GRIK2: variants seen among roughly 807,000 people sequenced by gnomAD.
GRIK2 encodes the protein glutamate receptor ionotropic, kainate 2.
Under a neutral mutation model 100.3 loss-of-function variants are expected in GRIK2, and 32 were observed. That is an observed-to-expected ratio of 0.32 (90% CI 0.24 to 0.43). The LOEUF is 0.43. GRIK2 is among the 20% of genes least tolerant of loss of function. The pLI is 1.00. For synonymous variants in GRIK2, 417 were observed against 389.4 expected, an observed-to-expected ratio of 1.07 and a Z score of -0.83; for missense variants, 843 against 1,114.9, an observed-to-expected ratio of 0.76 and a Z score of 3.47.
At chr6:101,905,854 T>TA (rs1281738023) in intron 12 of GRIK2, among the ~76,000 whole-genome samples, 1 of 151,452 alleles carries the variant, frequency 6.6e-6, no homozygotes, top group Non-Finnish European at 1.5e-5. Flanking sequence ...CTTTCAGAAA[T>TA]AAAAAATGGA....
chr6:101,837,768 T>G (rs1783228975), intron 10 of GRIK2, among the ~76,000 whole-genome samples: 1 of 152,160 alleles, frequency 6.6e-6, no homozygotes, highest in Admixed American at 6.5e-5. Flanking sequence ...TACTACTTGG[T>G]ACAGATTATG....
At chr6:101,810,147 C>A (rs1189469249) in intron 9 of GRIK2, among the ~76,000 whole-genome samples, 3 of 151,454 alleles carry the variant, frequency 2.0e-5, no homozygotes, top group Admixed American at 6.6e-5. Flanking sequence ...GATTTCAAAT[C>A]AAATCAAATC....
chr6:101,424,171 T>A (rs906755091), intron 2 of GRIK2, among the ~76,000 whole-genome samples: 2 of 151,298 alleles, frequency 1.3e-5, no homozygotes, highest in South Asian at 2.2e-4. Flanking sequence ...GAATTTTTTT[T>A]ATTTTTTTTT....
intron 6 of GRIK2, among the ~76,000 whole-genome samples, chr6:101,683,898 C>T (rs548269105): frequency 6.6e-6 from 1 of 152,310 alleles, no homozygotes; most frequent in Non-Finnish European, 1.5e-5. Context: ...TCTCTAGCAT[C>T]TATCTTCTCC....
intron 11 of GRIK2, among the ~76,000 whole-genome samples, chr6:101,862,156 T>C (rs994472869): frequency 6.6e-6 from 1 of 152,108 alleles, no homozygotes; most frequent in Admixed American, 6.5e-5. Context: ...TTTCCTGTAA[T>C]GGATAATGAG....
At chr6:101,937,766 C>T (rs117805782) in intron 14 of GRIK2, among the ~76,000 whole-genome samples, 1,657 of 150,372 alleles carry the variant, frequency 0.011, 25 homozygotes, top group Non-Finnish European at 0.017. Flanking sequence ...ATCTATTGAT[C>T]GTTTTGGGGG....
At chr6:101,826,834 G>A in intron 10 of GRIK2, among the ~76,000 whole-genome samples, 1 of 151,990 alleles carries the variant, frequency 6.6e-6, no homozygotes, top group East Asian at 1.9e-4. Flanking sequence ...TAGTCACTAT[G>A]CCGAATCCTC....
chr6:101,626,723 T>C, intron 4 of GRIK2, 86 bp downstream of exon 4: 2 of 1,210,686 alleles, frequency 1.7e-6, no homozygotes, highest in Non-Finnish European at 2.3e-6. Flanking sequence ...TGTATTCTTA[T>C]GTGCTTTATT....
chr6:101,463,560 C>T (rs1771455714), intron 2 of GRIK2, among the ~76,000 whole-genome samples: 1 of 152,132 alleles, frequency 6.6e-6, no homozygotes, highest in South Asian at 2.1e-4. Context: ...TGGCAACATA[C>T]TGCCTGGTCT....
chr6:101,530,144 T>G (rs1226982097), intron 2 of GRIK2, among the ~76,000 whole-genome samples: 1 of 152,040 alleles, frequency 6.6e-6, no homozygotes, highest in African/African-American at 2.4e-5. Flanking sequence ...CAAATAACAT[T>G]TTTTAAACCT....
chr6:101,901,092 A>T (rs1006029487), intron 12 of GRIK2, among the ~76,000 whole-genome samples: 5 of 152,094 alleles, frequency 3.3e-5, no homozygotes, highest in Non-Finnish European at 1.5e-5. Context: ...TTCAAATGTA[A>T]ATCACTCTCA....
chr6:102,002,853 T>G (rs1373267533), intron 14 of GRIK2, among the ~76,000 whole-genome samples: 1 of 150,972 alleles, frequency 6.6e-6, no homozygotes, highest in East Asian at 2.0e-4. Flanking sequence ...GCTACATTTT[T>G]AGATATATAT....
chr6:101,933,836 A>T (rs535890443), intron 14 of GRIK2, among the ~76,000 whole-genome samples: 43 of 151,948 alleles, frequency 2.8e-4, no homozygotes, highest in Non-Finnish European at 5.5e-4. Context: ...TATTTTAATT[A>T]TCTGTTAAAA....
At chr6:101,486,308 G>C (rs1772823736) in intron 2 of GRIK2, among the ~76,000 whole-genome samples, 1 of 140,288 alleles carries the variant, frequency 7.1e-6, no homozygotes, top group Non-Finnish European at 1.5e-5. Context: ...TGTGAGGCCA[G>C]CTTTCCATGG....
At chr6:101,512,000 A>C (rs1774342448) in intron 2 of GRIK2, among the ~76,000 whole-genome samples, 1 of 151,868 alleles carries the variant, frequency 6.6e-6, no homozygotes, top group Non-Finnish European at 1.5e-5. Context: ...CATTTATACA[A>C]ATATTCTTCT....
At chr6:101,796,009 T>C (rs1017007546) in intron 7 of GRIK2, among the ~76,000 whole-genome samples, 1 of 152,240 alleles carries the variant, frequency 6.6e-6, no homozygotes, top group East Asian at 1.9e-4. Context: ...TTCAAGTGCT[T>C]GTTGACATTT....
chr6:101,772,678 C>T (rs1409373895), intron 7 of GRIK2, among the ~76,000 whole-genome samples: 2 of 151,650 alleles, frequency 1.3e-5, no homozygotes, highest in Non-Finnish European at 2.9e-5. Flanking sequence ...TTCCCTAATG[C>T]CACCATTCCT....
chr6:101,870,625 T>C (rs960212668), intron 11 of GRIK2, among the ~76,000 whole-genome samples: 1 of 151,826 alleles, frequency 6.6e-6, no homozygotes, highest in African/African-American at 2.4e-5. Context: ...CTACCCTTTT[T>C]TTCTTTCCAC....
At chr6:101,965,273 C>A (rs969198144) in intron 14 of GRIK2, among the ~76,000 whole-genome samples, 7 of 152,066 alleles carry the variant, frequency 4.6e-5, no homozygotes, top group African/African-American at 1.7e-4. Context: ...GGATAAAGTA[C>A]CAGGTGTATA....
Sources: gnomAD v4.1 joint callset for allele counts (sites outside exome capture counted in the v4.1 genomes callset) on GRCh38, gnomAD v4.1.1 for gene constraint, MANE v1.5 for transcripts, NCBI Gene and HGNC (gene_info 2026-07-23, HGNC 2026-07-21) for gene names.